PPP2R2C: variants seen among roughly 807,000 people sequenced by gnomAD.
PPP2R2C encodes the protein protein phosphatase 2 regulatory subunit Bgamma, also known as protein phosphatase 2, regulatory subunit B, gamma.
In PPP2R2C, 10 loss-of-function variants were observed where a neutral mutation model predicts 45.3. That is an observed-to-expected ratio of 0.22 (90% CI 0.14 to 0.37). The LOEUF is 0.37. PPP2R2C is among the 10% of genes least tolerant of loss of function. The pLI, the probability that PPP2R2C is intolerant of heterozygous loss-of-function variation, is 1.00. For synonymous variants in PPP2R2C, 257 were observed against 245.4 expected (o/e 1.05, Z -0.44); for missense variants, 308 against 619.7 (o/e 0.50, Z 5.34).
In PPP2R2C at chr4:6,471,265, C is replaced by T. The variant is rs1721866144; in HGVS notation, c.70+895G>A. On this transcript the variant is annotated intron_variant, in intron 1 of 8. Transcript: ENST00000382599. This position sits in a 1 kb window ranked among gnomAD's most constrained non-coding sequence, Gnocchi z 5.6. ...TCGGGCAGGGCTCCAGCACAGGCGGCCCCGAGCCCAGACCTCCCGGTCCCC... is the reference window on the plus strand; with the variant it reads ...TCGGGCAGGGCTCCAGCACAGGCGGTCCCGAGCCCAGACCTCCCGGTCCCC... Among the ~76,000 whole-genome samples, 1 of 152,174 alleles carries T rather than the reference C, an allele frequency of 6.6e-6. No individual in the cohort carries two copies. The highest frequency in any genetic ancestry group is 2.4e-5 in the African/African-American group (1 of 41,450).
At chr4:6,468,025 G>A (rs569088923) in intron 1 of PPP2R2C, among the ~76,000 whole-genome samples, 1 of 152,272 alleles carries the variant, frequency 6.6e-6, no homozygotes, top group African/African-American at 2.4e-5. Flanking sequence ...GATCATCCTT[G>A]CACTGATCAC....
Position 6,328,185 on chromosome 4 carries a change from C to T in PPP2R2C, c.1052+1077G>A, listed in dbSNP as rs915039862. ...TGCCCAAGTCAGGGCTGCTGGCTCT[C>T]ACTCCACCCTCCTTGCCCACCACAC... On this transcript the variant is annotated intron_variant, in intron 8 of 8. Coordinates refer to ENST00000382599, the MANE Select transcript of PPP2R2C (RefSeq NM_020416.4). The surrounding 1 kb of genome is among the most constrained non-coding windows in gnomAD (Gnocchi z 4.4). Among the ~76,000 whole-genome samples the T allele has an allele frequency of 6.6e-6, 1 of 152,198 alleles. No individual in the cohort carries two copies. The highest frequency in any genetic ancestry group is 1.5e-5 in the Non-Finnish European group (1 of 68,034).
chr4:6,405,230 C>T (rs1368113157), intron 1 of PPP2R2C, among the ~76,000 whole-genome samples: 2 of 152,128 alleles, frequency 1.3e-5, no homozygotes, highest in Admixed American at 1.3e-4. Context: ...GAGCGGGTTC[C>T]CCAGGTCGCA....
upstream of PPP2R2C, among the ~76,000 whole-genome samples, chr4:6,476,620 A>G (rs1316904716): frequency 6.6e-6 from 1 of 152,210 alleles, no homozygotes; most frequent in Non-Finnish European, 1.5e-5. Flanking sequence ...TATGCCGTCC[A>G]GGCTACAGTA....
intron 1 of PPP2R2C, among the ~76,000 whole-genome samples, chr4:6,436,039 T>C (rs866913401): frequency 2.0e-5 from 3 of 152,178 alleles, no homozygotes; most frequent in Admixed American, 6.5e-5. Context: ...AGTACCCTTA[T>C]AAAAGAGATC....
intron 6 of PPP2R2C, among the ~76,000 whole-genome samples, chr4:6,343,389 T>A (rs1259760673): frequency 6.6e-6 from 1 of 152,178 alleles, no homozygotes; most frequent in Non-Finnish European, 1.5e-5. Flanking sequence ...TCTAGAAAAA[T>A]TTTAAATAAA....
At chr4:6,356,014 A>G (rs1713151583) in intron 5 of PPP2R2C, among the ~76,000 whole-genome samples, 1 of 147,504 alleles carries the variant, frequency 6.8e-6, no homozygotes, top group African/African-American at 2.6e-5. Context: ...AAAAAAAAAA[A>G]AAGAGCACTG....
chr4:6,491,818 C>T, intron 2 of PPP2R2C, among the ~76,000 whole-genome samples: 1 of 152,312 alleles, frequency 6.6e-6, no homozygotes, highest in East Asian at 1.9e-4. Context: ...TGGCTTTCTG[C>T]CACGATTATA....
At chr4:6,360,165 G>C (rs1423628940) in intron 5 of PPP2R2C, among the ~76,000 whole-genome samples, 1 of 152,222 alleles carries the variant, frequency 6.6e-6, no homozygotes, top group African/African-American at 2.4e-5. Flanking sequence ...AGGAGGAGAG[G>C]GAGGCCCAGG....
At chr4:6,373,601 A>G (rs1715038184) in intron 4 of PPP2R2C, among the ~76,000 whole-genome samples, 1 of 152,214 alleles carries the variant, frequency 6.6e-6, no homozygotes, top group African/African-American at 2.4e-5. Context: ...GGCCTAGCAG[A>G]GAGACTCTCC....
chr4:6,558,373 G>C (rs1369275491), intron 1 of PPP2R2C, among the ~76,000 whole-genome samples: 2 of 152,186 alleles, frequency 1.3e-5, no homozygotes, highest in Admixed American at 6.5e-5. Context: ...CAGTGGGAAG[G>C]CCACCCATGC....
chr4:6,393,725 C>T (rs1716816953), intron 1 of PPP2R2C, among the ~76,000 whole-genome samples: 1 of 152,222 alleles, frequency 6.6e-6, no homozygotes, highest in African/African-American at 2.4e-5. Context: ...CCAGGTGGGG[C>T]CCGCCCGATG....
At position 6,372,762 on chromosome 4, in the gene PPP2R2C, T is replaced by C. The variant is rs1047485826; in HGVS notation, c.448-62A>G. The stretch of plus-strand genomic sequence containing the variant: ...CAGGTGGTGGCATCAGGACATAGCA[T>C]GCCGTGAGCATGTGATCCCAACCGG... On this transcript the variant is annotated intron_variant, in intron 4 of 8. Coordinates refer to ENST00000382599, the MANE Select transcript of PPP2R2C (RefSeq NM_020416.4). 21 of 1,536,170 alleles carry C rather than the reference T, an allele frequency of 1.4e-5. No individual in the cohort carries two copies. In the African/African-American group the frequency reaches 2.0e-4, roughly 15 times the overall value.
chr4:6,525,170 C>T (rs1038501226), intron 2 of PPP2R2C, among the ~76,000 whole-genome samples: 7 of 151,922 alleles, frequency 4.6e-5, no homozygotes, highest in African/African-American at 1.5e-4. Flanking sequence ...TTTGGGAGGC[C>T]GAGATGGTTG....
At chr4:6,423,900 T>TGTTAGGGTTAGG (rs71173441) in intron 1 of PPP2R2C, among the ~76,000 whole-genome samples, 325 of 152,194 alleles carry the variant, frequency 2.1e-3, no homozygotes, top group African/African-American at 7.6e-3. Flanking sequence ...TTTGAGAGTG[T>TGTTAGGGTTAGG]GTTAGGGTTA....
intron 2 of PPP2R2C, 38 bp downstream of exon 2, chr4:6,380,959 C>G (rs1395003081): frequency 6.8e-7 from 1 of 1,473,148 alleles, no homozygotes; most frequent in Non-Finnish European, 9.0e-7. Flanking sequence ...CTCTGCTCCC[C>G]ACCCCTCCCA....
chr4:6,539,897 T>C (rs911831487), intron 1 of PPP2R2C, among the ~76,000 whole-genome samples: 2 of 152,258 alleles, frequency 1.3e-5, no homozygotes, highest in Admixed American at 1.3e-4. Flanking sequence ...GTCTGGGTCC[T>C]AACCACCACA....
intron 1 of PPP2R2C, among the ~76,000 whole-genome samples, chr4:6,423,187 G>A (rs190322123): frequency 9.2e-5 from 14 of 152,162 alleles, no homozygotes; most frequent in Admixed American, 3.9e-4. Context: ...AGATATTTTG[G>A]GGGTTTTCTT....
chr4:6,474,453 C>A (rs1722065396), upstream of PPP2R2C, among the ~76,000 whole-genome samples: 1 of 152,150 alleles, frequency 6.6e-6, no homozygotes, highest in Admixed American at 6.5e-5. Flanking sequence ...CTGAGGCCCA[C>A]CCTCCCGCAT....
Sources: gnomAD v4.1 joint callset for allele counts (sites outside exome capture counted in the v4.1 genomes callset) on GRCh38, gnomAD v4.1.1 for gene constraint, Gnocchi (gnomAD v3.1) non-coding constraint, MANE v1.5 for transcripts, NCBI Gene and HGNC (gene_info 2026-07-23, HGNC 2026-07-21) for gene names.